LRRK2: variants seen among roughly 807,000 people sequenced by gnomAD.
The protein encoded by LRRK2 is leucine rich repeat kinase 2, also known as leucine-rich repeat serine/threonine-protein kinase 2.
LRRK2 carries 203 observed loss-of-function variants against 302.6 expected under a neutral mutation model. That is an observed-to-expected ratio of 0.67 (90% CI 0.60 to 0.75). The LOEUF (loss-of-function observed/expected upper bound fraction) is 0.75. Ranked by LOEUF, LRRK2 falls within the 30% of genes least tolerant of loss-of-function variation. The pLI is 0.00. For synonymous variants in LRRK2, 1,066 were observed against 1,031.9 expected (o/e 1.03, Z -0.63); for missense variants, 2,830 against 2,951.0 (o/e 0.96, Z 0.95).
chr12:40,244,430 T>G (rs975542619), intron 7 of LRRK2, among the ~76,000 whole-genome samples: 2 of 152,162 alleles, frequency 1.3e-5, no homozygotes, highest in African/African-American at 4.8e-5. Flanking sequence ...TTTGGATTCT[T>G]TCTTATTTTA....
Position 40,278,260 on chromosome 12 carries a change from A to C in LRRK2, c.2240A>C (p.Gln747Pro). 1 of 1,614,114 alleles carries C rather than the reference A, an allele frequency of 6.2e-7. No homozygotes were observed. Among genetic ancestry groups the C allele is most frequent in the South Asian group, 1.1e-5 (1 of 91,086 alleles). ...QAKEGSSLIC[Q>P]VCEKESSPKL... The stretch of plus-strand genomic sequence containing the variant: ...AAGGAGGGATCTTCTTTAATTTGTC[A>C]GGTAAATATTCAAGGCCTCACTTTT... Residue 747 changes from glutamine (Q) to proline (P), a missense_variant and splice_region_variant, in exon 18 of 51, where the codon CAG becomes CCG. Gln to Pro is a moderately conservative substitution (Grantham distance 76, BLOSUM62 -1). This residue lies in a region of LRRK2 where 2,121 missense variants were observed against 2,148.0 expected (regional missense o/e 0.99). Transcript: ENST00000298910.
chr12:40,286,068 C>T (rs1187723240), intron 19 of LRRK2, among the ~76,000 whole-genome samples: 3 of 151,802 alleles, frequency 2.0e-5, no homozygotes, highest in Non-Finnish European at 2.9e-5. Flanking sequence ...TGGAGAGGGA[C>T]AGAGGGAGAT....
chr12:40,315,083 A>G, intron 32 of LRRK2, 129 bp from the exon 33 acceptor site: 3 of 765,206 alleles, frequency 3.9e-6, no homozygotes, highest in Admixed American at 3.7e-5. Flanking sequence ...TTCTAGTCCC[A>G]GCTCTGTCAC....
At chr12:40,249,551 G>A (rs1942162304) in intron 7 of LRRK2, among the ~76,000 whole-genome samples, 1 of 152,048 alleles carries the variant, frequency 6.6e-6, no homozygotes, top group Non-Finnish European at 1.5e-5. Flanking sequence ...TGACATGAGA[G>A]GGAATCAGAG....
chr12:40,365,260 A>G, intron 49 of LRRK2: 1 of 552,456 alleles, frequency 1.8e-6, no homozygotes, highest in Non-Finnish European at 3.2e-6. Context: ...AGAGAAGCAG[A>G]TTACTGCAGC....
At chr12:40,314,881 T>C (rs1468538906) in intron 32 of LRRK2, among the ~76,000 whole-genome samples, 2 of 152,086 alleles carry the variant, frequency 1.3e-5, no homozygotes, top group Admixed American at 6.6e-5. Context: ...TTCTTATCTG[T>C]ATTTGAAAAT....
Position 40,356,199 on chromosome 12 carries a change from A to G in LRRK2, c.6843+12A>G, listed in dbSNP as rs1192258675. On this transcript the variant is annotated intron_variant, in intron 46 of 50. Coordinates refer to ENST00000298910, the MANE Select transcript of LRRK2 (RefSeq NM_198578.4). ...ATAAGACTGTTAAGGTAAATGTTGA[A>G]TGCATTCTACATCTAAATTTATTTT... 3.1e-6 allele frequency: 5 copies of G among 1,588,526 alleles called. No homozygotes were observed. In the Admixed American group the frequency reaches 6.7e-5, roughly 21 times the overall value.
chr12:40,246,522 C>A (rs1592154137), intron 7 of LRRK2, among the ~76,000 whole-genome samples: 1 of 151,888 alleles, frequency 6.6e-6, no homozygotes, highest in South Asian at 2.1e-4. Context: ...TGTTTTGTAT[C>A]TGATAACTAT....
chr12:40,238,959 C>T (rs17519531), intron 5 of LRRK2, among the ~76,000 whole-genome samples: 2,576 of 152,196 alleles, frequency 0.017, 76 homozygotes, highest in African/African-American at 0.056. Context: ...TAATATAAAG[C>T]TAGATTAAGT....
chr12:40,290,881 A>T (rs1396847455), intron 20 of LRRK2, among the ~76,000 whole-genome samples: 7 of 151,880 alleles, frequency 4.6e-5, no homozygotes, highest in Non-Finnish European at 7.4e-5. Context: ...CTTAATTTGG[A>T]AGCTTAGAAC....
Position 40,263,842 on chromosome 12 carries a change from G to A in LRRK2, c.1597G>A (p.Val533Ile), listed in dbSNP as rs267603454. The change falls in exon 14 of 51, where the codon GTT (valine) becomes ATT (isoleucine). Residue 533 changes from valine (V) to isoleucine (I), a missense_variant. By Grantham distance (29) the Val-to-Ile change is conservative. Coordinates refer to ENST00000298910, the MANE Select transcript of LRRK2 (RefSeq NM_198578.4). ...DTEFHHKLNMVKKQCFKNDIH... is the reference protein window; with the variant it reads ...DTEFHHKLNMIKKQCFKNDIH... ...AGAATTTCATCATAAGCTAAATATG[G>A]TTAAAAAACAGTGTTTCAAGAATGA... 6.2e-7 allele frequency: 1 copy of A among 1,613,136 alleles called. No homozygotes were observed. Among genetic ancestry groups the A allele is most frequent in the African/African-American group, 1.3e-5 (1 of 75,000 alleles).
At position 40,308,677 on chromosome 12, in the gene LRRK2, A is replaced by C. The variant is rs1944921015; in HGVS notation, c.4170A>C (p.Leu1390=). Residue 1390 remains leucine (L), a synonymous_variant, in exon 29 of 51, where the codon CTA becomes CTC. Transcript: ENST00000298910. ...IRDKRKRDLV[L]NVWDFAGREE... ...ACAAAAGAAAGAGAGATCTCGTCCT[A>C]AATGTGTGGGATTTTGCAGGTATTT... 1 of 1,613,794 alleles carries C rather than the reference A, an allele frequency of 6.2e-7. No individual in the cohort carries two copies. The highest frequency in any genetic ancestry group is 8.5e-7 in the Non-Finnish European group (1 of 1,179,872).
rs772218025 is a variant in LRRK2, at chr12:40,363,531, A to G, written c.7158A>G (p.Leu2386=). The change falls in exon 48 of 51, where the codon CTA becomes CTG. Residue 2386 remains leucine (L), a synonymous_variant. Transcript: ENST00000298910. The part of the protein sequence containing the change: ...WDKKTEKLCG[L]IDCVHFLREV... The stretch of plus-strand genomic sequence containing the variant: ...AGAAAACTGAAAAACTCTGTGGACT[A>G]ATAGACTGCGTGCACTTTTTAAGGT... 3.4e-5 allele frequency: 55 copies of G among 1,611,758 alleles called. No individual in the cohort carries two copies. Among genetic ancestry groups the G allele is most frequent in the Non-Finnish European group, 4.6e-5 (54 of 1,178,498 alleles).
intron 10 of LRRK2, among the ~76,000 whole-genome samples, chr12:40,252,409 T>G (rs1312666808): frequency 6.6e-6 from 1 of 152,224 alleles, no homozygotes; most frequent in Non-Finnish European, 1.5e-5. Context: ...AATAATCTCA[T>G]GTTGAGCAAG....
intron 34 of LRRK2, 126 bp downstream of exon 34, chr12:40,320,301 ACCT>A (rs1592283717): frequency 1.4e-6 from 1 of 724,108 alleles, no homozygotes; most frequent in Non-Finnish European, 2.2e-6. Flanking sequence ...TCTAGTGTAA[ACCT>A]CCTACTGACA....
chr12:40,323,144 T>A lies in LRRK2; in HGVS notation c.5510-16T>A. 6.2e-7 allele frequency: 1 copy of A among 1,608,124 alleles called. No individual in the cohort carries two copies. The highest frequency in any genetic ancestry group is 1.1e-5 in the South Asian group (1 of 90,690). Reference sequence around the variant, plus strand: ...AAATGTTGTTTTTATTTAAAAAATGTTTTATTACTTCTCAGGAGATCTCTT... The same window carrying A: ...AAATGTTGTTTTTATTTAAAAAATGATTTATTACTTCTCAGGAGATCTCTT... On this transcript the variant is annotated splice_polypyrimidine_tract_variant and intron_variant, in intron 37 of 50. Transcript: ENST00000298910.
chr12:40,340,699 A>T (rs1469236298), intron 41 of LRRK2, among the ~76,000 whole-genome samples: 1 of 152,222 alleles, frequency 6.6e-6, no homozygotes, highest in African/African-American at 2.4e-5. Context: ...ATATCAAGTT[A>T]TATGTTTTAA....
chr12:40,261,767 G>C (rs1942788092), intron 13 of LRRK2, among the ~76,000 whole-genome samples: 1 of 152,072 alleles, frequency 6.6e-6, no homozygotes, highest in Non-Finnish European at 1.5e-5. Context: ...TCATTTATTA[G>C]CTAGATTATA....
chr12:40,231,576 C>CAAAAAAAAAAAAAAAAAACAA (rs71078231), intron 2 of LRRK2, among the ~76,000 whole-genome samples: 2 of 105,804 alleles, frequency 1.9e-5, no homozygotes, highest in African/African-American at 3.9e-5. Flanking sequence ...AAAACAAAAC[C>CAAAAAAAAAAAAAAAAAACAA]AAAAAAAAAA....
Sources: allele counts gnomAD v4.1 joint callset (sites outside exome capture counted in the v4.1 genomes callset), GRCh38; gene constraint gnomAD v4.1.1; regional missense constraint gnomAD v4.1.1; transcripts MANE v1.5; gene names NCBI Gene and HGNC (gene_info 2026-07-23, HGNC 2026-07-21).